The following B3GALT1 variants were observed in gnomAD, a reference collection of about 807,000 sequenced individuals.
B3GALT1 encodes the protein beta-1,3-galactosyltransferase 1.
B3GALT1 carries 10 observed loss-of-function variants against 23.2 expected under a neutral mutation model. The observed-to-expected ratio is 0.43, with a 90% CI of 0.27 to 0.73. The LOEUF is 0.73. Ranked by LOEUF, B3GALT1 falls within the 30% of genes least tolerant of loss-of-function variation. The pLI, the probability that B3GALT1 is intolerant of heterozygous loss-of-function variation, is 0.21. For synonymous variants in B3GALT1, 156 were observed against 141.5 expected, an observed-to-expected ratio of 1.10 and a Z score of -0.73; for missense variants, 299 against 405.4, an observed-to-expected ratio of 0.74 and a Z score of 2.25.
chr2:167,858,792 G>GA (rs1376816885), intron 4 of B3GALT1, among the ~76,000 whole-genome samples: 1 of 152,042 alleles, frequency 6.6e-6, no homozygotes, highest in Non-Finnish European at 1.5e-5. Flanking sequence ...AGGAACAATT[G>GA]AAAACAAAAG....
intron 1 of B3GALT1, among the ~76,000 whole-genome samples, chr2:167,472,365 G>T (rs1699428952): frequency 6.6e-6 from 1 of 152,082 alleles, no homozygotes; most frequent in Non-Finnish European, 1.5e-5. Flanking sequence ...GCCAAAGATT[G>T]TGGCCCCCAA....
intron 3 of B3GALT1, among the ~76,000 whole-genome samples, chr2:167,729,532 G>A (rs944399479): frequency 6.6e-6 from 1 of 152,160 alleles, no homozygotes; most frequent in Non-Finnish European, 1.5e-5. Context: ...CACCTCACCA[G>A]GGCCTGCAGT....
At chr2:167,706,490 C>CAG (rs1686969301) in intron 3 of B3GALT1, among the ~76,000 whole-genome samples, 2 of 152,130 alleles carry the variant, frequency 1.3e-5, no homozygotes, top group African/African-American at 4.8e-5. Flanking sequence ...AAACCAAAAG[C>CAG]AGAGAGACCA....
intron 3 of B3GALT1, among the ~76,000 whole-genome samples, chr2:167,752,581 C>T (rs1397995788): frequency 7.2e-6 from 1 of 139,454 alleles, no homozygotes; most frequent in African/African-American, 2.7e-5. Context: ...CTCCCCCCCG[C>T]CCCTCTCCCC....
At chr2:167,608,317 G>A (rs914566215) in intron 2 of B3GALT1, among the ~76,000 whole-genome samples, 6 of 152,092 alleles carry the variant, frequency 3.9e-5, no homozygotes, top group South Asian at 4.1e-4. Context: ...AGGCATTTTA[G>A]TTTTTGTCAT....
chr2:167,573,850 A>C (rs550305558), intron 2 of B3GALT1, among the ~76,000 whole-genome samples: 58 of 151,666 alleles, frequency 3.8e-4, no homozygotes, highest in Admixed American at 3.0e-3. Context: ...TAATCTGACA[A>C]GGTGCAATTC....
At chr2:167,438,965 A>T (rs151301289) in intron 1 of B3GALT1, among the ~76,000 whole-genome samples, 1 of 152,228 alleles carries the variant, frequency 6.6e-6, no homozygotes, top group African/African-American at 2.4e-5. Context: ...GTATTATCTA[A>T]AAGTGAGCAA....
chr2:167,805,405 G>A (rs1688730799), intron 3 of B3GALT1, among the ~76,000 whole-genome samples: 1 of 152,164 alleles, frequency 6.6e-6, no homozygotes, highest in Admixed American at 6.5e-5. Flanking sequence ...CCTTGCCCCT[G>A]CCTATGTCCT....
At chr2:167,700,722 T>A (rs959075313) in intron 3 of B3GALT1, among the ~76,000 whole-genome samples, 24 of 151,924 alleles carry the variant, frequency 1.6e-4, no homozygotes, top group African/African-American at 4.8e-4. Flanking sequence ...GCAGTGCGGG[T>A]AGGGTTGAGA....
intron 3 of B3GALT1, among the ~76,000 whole-genome samples, chr2:167,735,009 G>A (rs1010549465): frequency 1.3e-5 from 2 of 151,822 alleles, no homozygotes; most frequent in Non-Finnish European, 2.9e-5. Flanking sequence ...CTCACTCTCT[G>A]TTCAAGTAAC....
chr2:167,463,295 A>G (rs1440903301), intron 1 of B3GALT1, among the ~76,000 whole-genome samples: 2 of 152,142 alleles, frequency 1.3e-5, no homozygotes, highest in East Asian at 1.9e-4. Context: ...GGAACATAGT[A>G]TCATGTTGTG....
At chr2:167,728,836 T>C (rs188663773) in intron 3 of B3GALT1, among the ~76,000 whole-genome samples, 17 of 152,336 alleles carry the variant, frequency 1.1e-4, no homozygotes, top group Admixed American at 1.1e-3. Flanking sequence ...TTGCAGTATA[T>C]ACCTTTGTAC....
intron 1 of B3GALT1, among the ~76,000 whole-genome samples, chr2:167,392,913 G>A (rs574818088): frequency 2.6e-5 from 4 of 152,178 alleles, no homozygotes; most frequent in South Asian, 2.1e-4. Flanking sequence ...TGAAAAAGCC[G>A]TACGTTTCTG....
intron 3 of B3GALT1, among the ~76,000 whole-genome samples, chr2:167,702,443 GTAT>G (rs1482149646): frequency 6.6e-6 from 1 of 152,148 alleles, no homozygotes; most frequent in East Asian, 1.9e-4. Context: ...GCAGAGGATG[GTAT>G]TGCACAATAT....
intron 1 of B3GALT1, among the ~76,000 whole-genome samples, chr2:167,470,406 C>A (rs1317505074): frequency 6.6e-6 from 1 of 152,078 alleles, no homozygotes; most frequent in Non-Finnish European, 1.5e-5. Context: ...TTAGTCTTGG[C>A]ATTCTAACTT....
At chr2:167,334,042 C>T (rs989509831) in intron 1 of B3GALT1, among the ~76,000 whole-genome samples, 1 of 152,060 alleles carries the variant, frequency 6.6e-6, no homozygotes, top group Admixed American at 6.5e-5. Context: ...TAAAAAATTA[C>T]ATCAATTAGA....
At chr2:167,762,702 G>T (rs1046897021) in intron 3 of B3GALT1, among the ~76,000 whole-genome samples, 1 of 152,254 alleles carries the variant, frequency 6.6e-6, no homozygotes, top group South Asian at 2.1e-4. Context: ...AGAGTTTGGG[G>T]TATGACTGGG....
intron 2 of B3GALT1, among the ~76,000 whole-genome samples, chr2:167,579,446 TTC>T (rs1553469292): frequency 2.0e-5 from 3 of 148,146 alleles, no homozygotes; most frequent in South Asian, 4.3e-4. Context: ...TTTTTTTTTT[TTC>T]CATTTAAATT....
At chr2:167,555,256 CT>C (rs1288326779) in intron 2 of B3GALT1, among the ~76,000 whole-genome samples, 1 of 152,140 alleles carries the variant, frequency 6.6e-6, no homozygotes, top group Non-Finnish European at 1.5e-5. Context: ...TGGCATCATG[CT>C]TTAGGAATTT....
Sources: gnomAD v4.1 joint callset for allele counts (sites outside exome capture counted in the v4.1 genomes callset) on GRCh38, gnomAD v4.1.1 for gene constraint, MANE v1.5 for transcripts, NCBI Gene and HGNC (gene_info 2026-07-23, HGNC 2026-07-21) for gene names.